The following TDRD9 variants were observed in gnomAD, a reference collection of about 807,000 sequenced individuals.
The protein encoded by TDRD9 is ATP-dependent RNA helicase TDRD9.
Under a neutral mutation model 172.6 loss-of-function variants are expected in TDRD9, and 124 were observed. That is an observed-to-expected ratio of 0.72 (90% confidence interval 0.62 to 0.83). The LOEUF (loss-of-function observed/expected upper bound fraction) is 0.83, where lower values mean the gene tolerates loss of function less well. Among genes scored for constraint, TDRD9 ranks in the 40% least tolerant of loss-of-function variants. TDRD9 has a pLI of 0.00. For synonymous variants in TDRD9, 619 were observed against 617.1 expected, an observed-to-expected ratio of 1.00 and a Z score of -0.05; for missense variants, 1,479 against 1,714.1, an observed-to-expected ratio of 0.86 and a Z score of 2.42.
chr14:104,048,448 C>T (rs1013427193), intron 34 of TDRD9, among the ~76,000 whole-genome samples: 3 of 152,020 alleles, frequency 2.0e-5, no homozygotes, highest in Non-Finnish European at 2.9e-5. Flanking sequence ...AGCCTGGCTT[C>T]CTAGGTGTTG....
chr14:104,042,134 T>G lies in TDRD9; in HGVS notation c.3921T>G (p.Leu1307=). The change falls in exon 34 of 36, where the codon CTT becomes CTG. Residue 1307 remains leucine, a synonymous_variant. Coordinates refer to ENST00000409874, the MANE Select transcript of TDRD9 (RefSeq NM_153046.3). ...VCDGPNGCKC[L]GPERVAQLQD... ...ATGGACCAAATGGATGCAAGTGTCTTGGGCCAGAGAGAGTTGCGCAGCTTC... is the reference window on the plus strand; with the variant it reads ...ATGGACCAAATGGATGCAAGTGTCTGGGGCCAGAGAGAGTTGCGCAGCTTC... 1 of 1,613,834 alleles carries G rather than the reference T, an allele frequency of 6.2e-7. No homozygotes were observed. The highest frequency in any genetic ancestry group is 1.6e-4 in the Middle Eastern group (1 of 6,062).
At chr14:103,975,899 G>A (rs1349529340) in intron 7 of TDRD9, among the ~76,000 whole-genome samples, 1 of 152,172 alleles carries the variant, frequency 6.6e-6, no homozygotes, top group African/African-American at 2.4e-5. Flanking sequence ...CGGTGCTCTA[G>A]AACACGAAAA....
chr14:103,952,066 C>T (rs553331438), intron 1 of TDRD9, among the ~76,000 whole-genome samples: 3 of 148,730 alleles, frequency 2.0e-5, no homozygotes, highest in Non-Finnish European at 3.0e-5. Flanking sequence ...CCATGCCCAG[C>T]CATAAAAGGA....
chr14:104,043,703 T>G (rs2035677760), intron 34 of TDRD9, among the ~76,000 whole-genome samples: 1 of 152,224 alleles, frequency 6.6e-6, no homozygotes, highest in African/African-American at 2.4e-5. Context: ...CCTGCCTTAT[T>G]ATGCCATAGG....
At chr14:103,995,345 C>T (rs1474644599) in intron 11 of TDRD9, among the ~76,000 whole-genome samples, 1 of 152,136 alleles carries the variant, frequency 6.6e-6, no homozygotes, top group African/African-American at 2.4e-5. Flanking sequence ...AACGTCGCCC[C>T]CCTTGATTGC....
chr14:104,034,128 C>G, intron 31 of TDRD9, 59 bp downstream of exon 31: 1 of 998,898 alleles, frequency 1.0e-6, no homozygotes, highest in Non-Finnish European at 1.5e-6. Context: ...TTGACTTCAG[C>G]TACTAGGAAC....
At chr14:103,958,987 C>A (rs936344565) in intron 2 of TDRD9, among the ~76,000 whole-genome samples, 6 of 152,134 alleles carry the variant, frequency 3.9e-5, no homozygotes, top group African/African-American at 1.4e-4. Context: ...CCATGCTTTT[C>A]TTGGGATGAC....
chr14:103,951,381 C>T (rs1307955893), intron 1 of TDRD9, among the ~76,000 whole-genome samples: 1 of 152,124 alleles, frequency 6.6e-6, no homozygotes, highest in Admixed American at 6.5e-5. Context: ...GTGTCATTAG[C>T]TTTTTTATTT....
intron 1 of TDRD9, chr14:103,941,967 T>C (rs544389847): frequency 2.5e-6 from 1 of 393,914 alleles, no homozygotes; most frequent in South Asian, 4.5e-5. Flanking sequence ...CTGAATGATA[T>C]CCGAAAATAA....
At chr14:103,995,632 C>T (rs1296219946) in intron 11 of TDRD9, 118 bp from the exon 12 acceptor site, 1 of 887,218 alleles carries the variant, frequency 1.1e-6, no homozygotes, top group Non-Finnish European at 1.7e-6. Context: ...AATTTTGAAA[C>T]CTGAGTTCAG....
At chr14:103,947,512 T>C (rs1171972623) in intron 1 of TDRD9, among the ~76,000 whole-genome samples, 1 of 151,946 alleles carries the variant, frequency 6.6e-6, no homozygotes, top group Admixed American at 6.6e-5. Flanking sequence ...GTATTTTTAG[T>C]AGAGATGGGG....
At chr14:103,969,652 C>A (rs1414861596) in intron 5 of TDRD9, among the ~76,000 whole-genome samples, 4 of 152,186 alleles carry the variant, frequency 2.6e-5, no homozygotes, top group Non-Finnish European at 5.9e-5. Context: ...GAAAGGAGAA[C>A]TCCCTCTTTG....
rs888249673 is a variant in TDRD9, at chr14:103,997,754, A to G, written c.1379-870A>G. Among the ~76,000 whole-genome samples, 2 of 152,146 alleles carry G rather than the reference A, an allele frequency of 1.3e-5. No homozygotes were observed. The highest frequency in any genetic ancestry group is 4.8e-5 in the African/African-American group (2 of 41,432). On this transcript the variant is annotated intron_variant, in intron 12 of 35. Coordinates refer to ENST00000409874, the MANE Select transcript of TDRD9 (RefSeq NM_153046.3). This position sits in a 1 kb window ranked among gnomAD's most constrained non-coding sequence, Gnocchi z 5.1. Reference sequence around the variant, plus strand: ...CACAGAGGCCTAGACACCCAGTGGGAAAAGGGTCTTGAGGGGATGGAGTGG... The same window carrying G: ...CACAGAGGCCTAGACACCCAGTGGGGAAAGGGTCTTGAGGGGATGGAGTGG...
At position 104,006,779 on chromosome 14, in the gene TDRD9, T is replaced by C; in HGVS notation, c.1944-3T>C. 1.2e-6 allele frequency: 2 copies of C among 1,613,652 alleles called. No homozygotes were observed. The highest frequency in any genetic ancestry group is 1.7e-6 in the Non-Finnish European group (2 of 1,179,656). On this transcript the variant is annotated splice_region_variant and splice_polypyrimidine_tract_variant and intron_variant, in intron 17 of 35. Transcript: ENST00000409874. The stretch of plus-strand genomic sequence containing the variant: ...ATTGAATGACACTGTTATCTGTTTA[T>C]AGGAACAAAGTGAATTTCTCTGGCA...
intron 1 of TDRD9, among the ~76,000 whole-genome samples, chr14:103,934,839 T>C (rs549863730): frequency 6.6e-6 from 1 of 152,348 alleles, no homozygotes; most frequent in South Asian, 2.1e-4. Flanking sequence ...TCCTCTGTGA[T>C]GGTTAACTTT....
intron 7 of TDRD9, among the ~76,000 whole-genome samples, chr14:103,981,391 T>C (rs1270639782): frequency 6.6e-6 from 1 of 152,194 alleles, no homozygotes; most frequent in Admixed American, 6.5e-5. Context: ...TCTGAGCCCG[T>C]GTGGTCAAGA....
rs527938191 is a variant in TDRD9, at chr14:104,027,289, A to T, written c.3282+350A>T. ...GGTCTCAAACTCCTGGGCTTAAGGG[A>T]TCCTCCTGCCTCAGCCTCCCAGAGT... is the stretch of plus-strand genomic sequence containing the variant. On this transcript the variant is annotated intron_variant, in intron 28 of 35. Coordinates refer to ENST00000409874, the MANE Select transcript of TDRD9 (RefSeq NM_153046.3). 5.9e-5 allele frequency among the ~76,000 whole-genome samples: 9 copies of T among 152,140 alleles called. No homozygotes were observed. The South Asian group carries it at 8.3e-4, about 14-fold the overall frequency.
intron 1 of TDRD9, among the ~76,000 whole-genome samples, chr14:103,954,825 C>T (rs889708650): frequency 6.6e-6 from 1 of 152,146 alleles, no homozygotes; most frequent in Non-Finnish European, 1.5e-5. Context: ...GACAGGGTTT[C>T]ACCATGTTGG....
intron 28 of TDRD9, among the ~76,000 whole-genome samples, chr14:104,027,909 A>AT (rs955810299): frequency 1.5e-4 from 23 of 150,704 alleles, no homozygotes; most frequent in Non-Finnish European, 2.5e-4. Flanking sequence ...CATTATTTCA[A>AT]TTTTTTTTTA....
Sources: gnomAD v4.1 joint callset for allele counts (sites outside exome capture counted in the v4.1 genomes callset) on GRCh38, gnomAD v4.1.1 for gene constraint, Gnocchi (gnomAD v3.1) non-coding constraint, MANE v1.5 for transcripts, NCBI Gene and HGNC (gene_info 2026-07-23, HGNC 2026-07-21) for gene names.